NHSL1: variants seen among roughly 807,000 people sequenced by gnomAD.
The protein encoded by NHSL1 is NHS-like protein 1.
In NHSL1, 48 loss-of-function variants were observed where a neutral mutation model predicts 95.0. The observed-to-expected ratio is 0.51, with a 90% CI of 0.40 to 0.64. NHSL1 has a LOEUF of 0.64. NHSL1 is among the 30% of genes least tolerant of loss of function. The pLI is 0.00. For missense variants in NHSL1, 1,971 were observed against 2,077.7 expected (o/e 0.95, Z 1.00); for synonymous variants, 783 against 833.9 (o/e 0.94, Z 1.05).
chr6:138,563,012 T>C (rs1344838021), intron 1 of NHSL1, among the ~76,000 whole-genome samples: 2 of 152,172 alleles, frequency 1.3e-5, no homozygotes, highest in East Asian at 1.9e-4. Context: ...AAACCAAAAG[T>C]TATTAAGTCC....
chr6:138,557,243 A>T (rs1290960495), intron 1 of NHSL1, among the ~76,000 whole-genome samples: 1 of 152,264 alleles, frequency 6.6e-6, no homozygotes, highest in Non-Finnish European at 1.5e-5. Flanking sequence ...TTAGAGTAAC[A>T]TCCACTTATC....
chr6:138,474,665 A>G (rs1778957264), intron 2 of NHSL1, among the ~76,000 whole-genome samples: 1 of 152,206 alleles, frequency 6.6e-6, no homozygotes, highest in Non-Finnish European at 1.5e-5. Flanking sequence ...TAGGTCAAAA[A>G]TGTTGTGGTC....
chr6:138,468,650 A>G (rs1778547026), intron 3 of NHSL1, among the ~76,000 whole-genome samples: 1 of 152,174 alleles, frequency 6.6e-6, no homozygotes, highest in African/African-American at 2.4e-5. Flanking sequence ...AGTCTGGTCC[A>G]TGAAAAAATA....
At chr6:138,550,263 T>G (rs1041464120), upstream of NHSL1, among the ~76,000 whole-genome samples, 1 of 152,004 alleles carries the variant, frequency 6.6e-6, no homozygotes, top group African/African-American at 2.4e-5. Flanking sequence ...TAAAATAATT[T>G]TAAAAAGCCC....
At position 138,431,559 on chromosome 6, in the gene NHSL1, G is replaced by A. The variant is rs1310276502; in HGVS notation, c.2786C>T (p.Ala929Val). 4.5e-6 allele frequency: 7 copies of A among 1,551,094 alleles called. No homozygotes were observed. The highest frequency in any genetic ancestry group is 1.4e-5 in the African/African-American group (1 of 72,974). ...KLDPAVGSPP[A>V]PPPPPVPSPP... ...AGAGGGAACAGGAGGAGGAGGAGGA[G>A]CCGGGGGAGAGCCCACGGCTGGATC... The change falls in exon 6 of 8, where the codon GCT becomes GTT. Residue 929 changes from alanine (A) to valine (V), a missense_variant. Ala to Val is a moderately conservative substitution (Grantham distance 64, BLOSUM62 0). Around this residue, in one of 3 missense-constraint regions of NHSL1, gnomAD observed 1,602 missense variants for 1,654.5 expected, o/e 0.97. Transcript: ENST00000343505. The surrounding 1 kb of genome is among the most constrained non-coding windows in gnomAD (Gnocchi z 4.0).
chr6:138,632,628 G>A (rs1042527341), intron 1 of NHSL1, among the ~76,000 whole-genome samples: 14 of 152,134 alleles, frequency 9.2e-5, no homozygotes, highest in African/African-American at 3.4e-4. Context: ...TTACCTCTAC[G>A]AGTCTGAAAG....
chr6:138,498,078 C>T (rs1780460079), intron 1 of NHSL1, among the ~76,000 whole-genome samples: 2 of 152,136 alleles, frequency 1.3e-5, no homozygotes, highest in Admixed American at 6.6e-5. Context: ...TGACTTAACC[C>T]TCATTTGTGT....
upstream of NHSL1, among the ~76,000 whole-genome samples, chr6:138,502,755 T>C (rs1780754390): frequency 6.6e-6 from 1 of 152,212 alleles, no homozygotes; most frequent in South Asian, 2.1e-4. Context: ...CATGCCTTGG[T>C]TTGCTCATCT....
chr6:138,485,406 A>T (rs1174549955), intron 2 of NHSL1, among the ~76,000 whole-genome samples: 1 of 148,282 alleles, frequency 6.7e-6, no homozygotes, highest in Admixed American at 7.0e-5. Context: ...CATTTAAATG[A>T]CTGTCTTTGC....
intron 3 of NHSL1, among the ~76,000 whole-genome samples, chr6:138,451,284 A>G (rs1777220029): frequency 6.6e-6 from 1 of 152,100 alleles, no homozygotes; most frequent in African/African-American, 2.4e-5. Context: ...ATGGCCTGAA[A>G]TGCTCCTCCC....
intron 1 of NHSL1, among the ~76,000 whole-genome samples, chr6:138,582,373 GAAAAAAAAGAGATGGGACCAA>G (rs569520753): frequency 0.011 from 1,648 of 147,274 alleles, 41 homozygotes; most frequent in African/African-American, 0.039. Context: ...TAAAAGAACA[GAAAAAAAAGAGATGGGACCAA>G]AAAAAAAAGA....
At chr6:138,573,781 A>G (rs1562379435), upstream of NHSL1, among the ~76,000 whole-genome samples, 3 of 152,160 alleles carry the variant, frequency 2.0e-5, no homozygotes, top group South Asian at 2.1e-4. Flanking sequence ...TTCATACCCA[A>G]TGTCACACAG....
intron 1 of NHSL1, among the ~76,000 whole-genome samples, chr6:138,552,454 T>C (rs1783044897): frequency 6.6e-6 from 1 of 152,108 alleles, no homozygotes; most frequent in South Asian, 2.1e-4. Flanking sequence ...TACACCCTCC[T>C]GAGCCAGTTC....
At chr6:138,573,910 C>G (rs1351250311), upstream of NHSL1, among the ~76,000 whole-genome samples, 2 of 152,094 alleles carry the variant, frequency 1.3e-5, no homozygotes, top group Admixed American at 1.3e-4. Flanking sequence ...TTATTAATTG[C>G]AATAATATCT....
At chr6:138,546,537 A>C (rs1782809834), upstream of NHSL1, among the ~76,000 whole-genome samples, 1 of 151,136 alleles carries the variant, frequency 6.6e-6, no homozygotes, top group African/African-American at 2.4e-5. Flanking sequence ...TGAGACCAAG[A>C]GGTCGAGACT....
At chr6:138,660,185 T>C (rs907289196) in intron 1 of NHSL1, among the ~76,000 whole-genome samples, 1 of 152,216 alleles carries the variant, frequency 6.6e-6, no homozygotes, top group Non-Finnish European at 1.5e-5. Flanking sequence ...GAAATACACC[T>C]ACGTAGTTCC....
chr6:138,611,737 C>G (rs1257219821), intron 1 of NHSL1, among the ~76,000 whole-genome samples: 2 of 151,210 alleles, frequency 1.3e-5, no homozygotes, highest in African/African-American at 4.9e-5. Flanking sequence ...AAGAGCGAGA[C>G]TCCAACACAA....
chr6:138,507,328 A>T (rs1364369736), intron 1 of NHSL1, among the ~76,000 whole-genome samples: 1 of 152,262 alleles, frequency 6.6e-6, no homozygotes, highest in African/African-American at 2.4e-5. Context: ...AAAAGCAATC[A>T]GTCTTAACTT....
chr6:138,522,333 C>T (rs1389054397), intron 1 of NHSL1, among the ~76,000 whole-genome samples: 1 of 152,162 alleles, frequency 6.6e-6, no homozygotes, highest in Non-Finnish European at 1.5e-5. Flanking sequence ...CATAGCAAAA[C>T]CCGTATCTAC....
Sources: allele counts gnomAD v4.1 joint callset (sites outside exome capture counted in the v4.1 genomes callset), GRCh38; gene constraint gnomAD v4.1.1; regional missense constraint gnomAD v4.1.1; non-coding constraint Gnocchi (gnomAD v3.1); transcripts MANE v1.5; gene names NCBI Gene and HGNC (gene_info 2026-07-23, HGNC 2026-07-21).